ADRA1A: variants seen among roughly 807,000 people sequenced by gnomAD.
The protein encoded by ADRA1A is adrenoceptor alpha 1A.
Under a neutral mutation model 29.6 loss-of-function variants are expected in ADRA1A, and 31 were observed. That is an observed-to-expected ratio of 1.05 (90% CI 0.79 to 1.41). The LOEUF is 1.41. Among genes scored for constraint, ADRA1A ranks in the 40% most tolerant of loss-of-function variants. The pLI is 0.00. For missense variants in ADRA1A, 619 were observed against 601.1 expected, an observed-to-expected ratio of 1.03 and a Z score of -0.31; for synonymous variants, 311 against 254.3, an observed-to-expected ratio of 1.22 and a Z score of -2.12.
chr8:26,765,822 G>C, downstream of ADRA1A: 1 of 1,345,782 alleles, frequency 7.4e-7, no homozygotes, highest in South Asian at 2.1e-5. Context: ...AATTGAGAAA[G>C]TTTGTCAAGC....
chr8:26,810,691 T>C (rs1421934259), intron 2 of ADRA1A, among the ~76,000 whole-genome samples: 4 of 152,200 alleles, frequency 2.6e-5, no homozygotes, highest in African/African-American at 9.6e-5. Flanking sequence ...AGACCTGGAC[T>C]CATTTTTTCA....
Position 26,806,590 on chromosome 8 carries a change from A to G in ADRA1A, c.884-35924T>C, listed in dbSNP as rs866108767. ...AGGGCCACCATTAATTAGTGGGAAG[A>G]TGTCATGCCTCACACTGGGGAGTAA... On this transcript the variant is annotated intron_variant, in intron 2 of 2. Transcript: ENST00000380573. This position sits in a 1 kb window ranked among gnomAD's most constrained non-coding sequence, Gnocchi z 4.6. Among the ~76,000 whole-genome samples, 1 of 152,178 alleles carries G rather than the reference A, an allele frequency of 6.6e-6. No individual in the cohort carries two copies. The highest frequency in any genetic ancestry group is 2.1e-4 in the South Asian group (1 of 4,836).
chr8:26,793,887 G>A (rs1171786301), intron 2 of ADRA1A, among the ~76,000 whole-genome samples: 1 of 151,892 alleles, frequency 6.6e-6, no homozygotes, highest in Non-Finnish European at 1.5e-5. Flanking sequence ...ATGTAAAAAT[G>A]CTTCCTAATT....
At position 26,825,246 on chromosome 8, in the gene ADRA1A, T is replaced by C. The variant is rs1179673233; in HGVS notation, c.883+38841A>G. 6.6e-6 allele frequency among the ~76,000 whole-genome samples: 1 copy of C among 152,172 alleles called. No individual in the cohort carries two copies. ...TTCCTTCTTTAGGGAATGGGGGTCA[T>C]AGAGATATCTTCACTCTCTAGCTTG... On this transcript the variant is annotated intron_variant, in intron 2 of 2. Transcript: ENST00000380573. This position sits in a 1 kb window ranked among gnomAD's most constrained non-coding sequence, Gnocchi z 5.7.
At chr8:26,758,912 A>G (rs1242608388) in intron 2 of ADRA1A, among the ~76,000 whole-genome samples, 1 of 152,156 alleles carries the variant, frequency 6.6e-6, no homozygotes, top group Non-Finnish European at 1.5e-5. Context: ...TTTTTTTGTA[A>G]TGTGACTATG....
At chr8:26,754,602 A>G (rs1242713598), downstream of ADRA1A, among the ~76,000 whole-genome samples, 1 of 152,156 alleles carries the variant, frequency 6.6e-6, no homozygotes, top group Non-Finnish European at 1.5e-5. Context: ...TGTATTTTAA[A>G]CAAATGTAAC....
intron 2 of ADRA1A, among the ~76,000 whole-genome samples, chr8:26,833,741 T>C (rs931338358): frequency 1.3e-5 from 2 of 152,234 alleles, no homozygotes; most frequent in East Asian, 3.8e-4. Context: ...CTTCTCTGAA[T>C]GAGATTTTGT....
chr8:26,802,629 G>A (rs947732506), intron 2 of ADRA1A, among the ~76,000 whole-genome samples: 1 of 152,264 alleles, frequency 6.6e-6, no homozygotes, highest in East Asian at 1.9e-4. Flanking sequence ...TGGTGGGAGT[G>A]TGAATTACTA....
chr8:26,836,898 G>T (rs1334860530), intron 2 of ADRA1A, among the ~76,000 whole-genome samples: 1 of 152,174 alleles, frequency 6.6e-6, no homozygotes, highest in Non-Finnish European at 1.5e-5. Flanking sequence ...CAGACTGTGT[G>T]CCAGTGAATG....
intron 2 of ADRA1A, among the ~76,000 whole-genome samples, chr8:26,817,045 A>G (rs1004980105): frequency 6.6e-6 from 1 of 152,242 alleles, no homozygotes; most frequent in African/African-American, 2.4e-5. Flanking sequence ...ATTGGGCTTC[A>G]TCAAAATGAA....
rs1366567859 is a variant in ADRA1A, at chr8:26,805,899, A to G, written c.884-35233T>C. 6.6e-6 allele frequency among the ~76,000 whole-genome samples: 1 copy of G among 152,156 alleles called. No individual in the cohort carries two copies. The highest frequency in any genetic ancestry group is 2.4e-5 in the African/African-American group (1 of 41,440). ...TTGGCCCTTGATAAAGACACAGCTT[A>G]TCAGAGCCTGTGCCCCCTTCCCCCT... On this transcript the variant is annotated intron_variant, in intron 2 of 2. Coordinates refer to ENST00000380573, the MANE Select transcript of ADRA1A (RefSeq NM_000680.4). The surrounding 1 kb of genome is among the most constrained non-coding windows in gnomAD (Gnocchi z 4.8).
At chr8:26,816,196 C>T (rs1809743826) in intron 2 of ADRA1A, among the ~76,000 whole-genome samples, 1 of 152,164 alleles carries the variant, frequency 6.6e-6, no homozygotes, top group South Asian at 2.1e-4. Flanking sequence ...GAACAAAAGC[C>T]TTAAATTGGT....
At chr8:26,829,981 A>C (rs1182095010) in intron 2 of ADRA1A, among the ~76,000 whole-genome samples, 1 of 152,010 alleles carries the variant, frequency 6.6e-6, no homozygotes, top group African/African-American at 2.4e-5. Context: ...TGGGTGGGGA[A>C]GGATTGTGGT....
chr8:26,755,768 C>A (rs1805135164), downstream of ADRA1A, among the ~76,000 whole-genome samples: 1 of 152,142 alleles, frequency 6.6e-6, no homozygotes, highest in African/African-American at 2.4e-5. Context: ...TTATTCTCCA[C>A]CCCCTGGACT....
chr8:26,749,280 T>C (rs752829730), intron 2 of ADRA1A, among the ~76,000 whole-genome samples: 1 of 152,226 alleles, frequency 6.6e-6, no homozygotes, highest in South Asian at 2.1e-4. Context: ...TCTAAGATAA[T>C]CAGGGGCTGA....
At chr8:26,856,525 T>A (rs1315003581) in intron 2 of ADRA1A, among the ~76,000 whole-genome samples, 2 of 152,220 alleles carry the variant, frequency 1.3e-5, no homozygotes, top group South Asian at 4.1e-4. Flanking sequence ...TGGCCTCTTG[T>A]TTCTGGCCAC....
At chr8:26,798,925 T>C (rs1221706236) in intron 2 of ADRA1A, among the ~76,000 whole-genome samples, 45 of 152,190 alleles carry the variant, frequency 3.0e-4, no homozygotes, top group Non-Finnish European at 5.9e-5. Flanking sequence ...TTTTTCTCTC[T>C]CTGCCCAGGG....
At chr8:26,838,686 C>A (rs1410562779) in intron 2 of ADRA1A, among the ~76,000 whole-genome samples, 1 of 152,164 alleles carries the variant, frequency 6.6e-6, no homozygotes, top group East Asian at 1.9e-4. Flanking sequence ...GAACCAGGGT[C>A]ATTCAAAAAT....
chr8:26,840,828 G>A (rs1811765647), intron 2 of ADRA1A, among the ~76,000 whole-genome samples: 1 of 152,204 alleles, frequency 6.6e-6, no homozygotes, highest in Non-Finnish European at 1.5e-5. Context: ...TTGACACCAG[G>A]AAGTGTTATT....
Sources: allele counts gnomAD v4.1 joint callset (sites outside exome capture counted in the v4.1 genomes callset), GRCh38; gene constraint gnomAD v4.1.1; non-coding constraint Gnocchi (gnomAD v3.1); transcripts MANE v1.5; gene names NCBI Gene and HGNC (gene_info 2026-07-23, HGNC 2026-07-21).